NCALD: variants seen among roughly 807,000 people sequenced by gnomAD.
NCALD encodes the protein neurocalcin delta, also known as neurocalcin-delta.
In NCALD, 10 loss-of-function variants were observed where a neutral mutation model predicts 18.6. That is an observed-to-expected ratio of 0.54 (90% CI 0.33 to 0.91). The LOEUF (loss-of-function observed/expected upper bound fraction) is 0.91, where lower values mean the gene tolerates loss of function less well. NCALD is among the 40% of genes least tolerant of loss of function. The probability of loss-of-function intolerance (pLI) is 0.03; values close to 1 mark genes in which losing one functional copy is unlikely to be tolerated. For missense variants in NCALD, 184 were observed against 247.6 expected (o/e 0.74, Z 1.72); for synonymous variants, 88 against 87.4 (o/e 1.01, Z -0.04).
chr8:101,903,907 A>G (rs1480016822), intron 3 of NCALD, among the ~76,000 whole-genome samples: 1 of 152,172 alleles, frequency 6.6e-6, no homozygotes, highest in Non-Finnish European at 1.5e-5. Context: ...TGGGTGTGAC[A>G]TGGCAAAGCC....
chr8:101,743,455 C>T (rs1434017142), intron 1 of NCALD, among the ~76,000 whole-genome samples: 1 of 152,196 alleles, frequency 6.6e-6, no homozygotes, highest in Admixed American at 6.5e-5. Context: ...GAGTTCTCTT[C>T]ACTATGAGAT....
At chr8:101,863,690 GA>G (rs1440534536) in intron 4 of NCALD, among the ~76,000 whole-genome samples, 1 of 152,120 alleles carries the variant, frequency 6.6e-6, no homozygotes, top group Non-Finnish European at 1.5e-5. Flanking sequence ...TAAATGCTTT[GA>G]AAAACACAAA....
chr8:102,100,437 A>C (rs1253457001), intron 1 of NCALD, among the ~76,000 whole-genome samples: 1 of 152,208 alleles, frequency 6.6e-6, no homozygotes, highest in African/African-American at 2.4e-5. Flanking sequence ...AATGTTTTTC[A>C]ATGCTTCCTC....
intron 2 of NCALD, among the ~76,000 whole-genome samples, chr8:101,707,744 T>C (rs1815596384): frequency 6.6e-6 from 1 of 152,184 alleles, no homozygotes; most frequent in Non-Finnish European, 1.5e-5. Flanking sequence ...AGCAGGTGCC[T>C]GCAATCCCAG....
At chr8:101,814,878 T>G (rs1295124793) in intron 4 of NCALD, among the ~76,000 whole-genome samples, 1 of 152,062 alleles carries the variant, frequency 6.6e-6, no homozygotes, top group East Asian at 1.9e-4. Flanking sequence ...TAGGTATTTC[T>G]AACAAATATG....
chr8:101,959,833 G>T (rs1036593005), intron 2 of NCALD, among the ~76,000 whole-genome samples: 1 of 152,106 alleles, frequency 6.6e-6, no homozygotes, highest in African/African-American at 2.4e-5. Context: ...TGCTCATAGC[G>T]ATGGCTCACT....
At chr8:101,896,546 A>G (rs1019189057) in intron 3 of NCALD, among the ~76,000 whole-genome samples, 22 of 151,954 alleles carry the variant, frequency 1.4e-4, no homozygotes, top group Non-Finnish European at 2.6e-4. Flanking sequence ...GCTTCTGCAC[A>G]GCAAAAGAAA....
At chr8:101,772,814 C>T (rs1203180860) in intron 1 of NCALD, among the ~76,000 whole-genome samples, 3 of 152,226 alleles carry the variant, frequency 2.0e-5, no homozygotes, top group African/African-American at 7.2e-5. Flanking sequence ...TTTGGTTCAC[C>T]ATCTTAAATC....
intron 4 of NCALD, among the ~76,000 whole-genome samples, chr8:101,870,255 T>C (rs1815949160): frequency 6.6e-6 from 1 of 152,192 alleles, no homozygotes; most frequent in African/African-American, 2.4e-5. Context: ...CTTTTTTCCT[T>C]ACTAAAGAGC....
chr8:102,098,964 A>C (rs941330646), intron 1 of NCALD, among the ~76,000 whole-genome samples: 1 of 152,142 alleles, frequency 6.6e-6, no homozygotes, highest in African/African-American at 2.4e-5. Context: ...TAAGCTTGTT[A>C]ATTGTGAGGG....
chr8:101,813,065 G>T (rs1385798997), intron 4 of NCALD, among the ~76,000 whole-genome samples: 1 of 152,068 alleles, frequency 6.6e-6, no homozygotes, highest in Non-Finnish European at 1.5e-5. Flanking sequence ...GTGCTAGGCT[G>T]GGGGAGATAG....
At chr8:101,934,514 A>C (rs1361992985) in intron 2 of NCALD, among the ~76,000 whole-genome samples, 1 of 152,150 alleles carries the variant, frequency 6.6e-6, no homozygotes, top group African/African-American at 2.4e-5. Context: ...CCCATAAATT[A>C]GTCCAGAAAG....
chr8:101,727,912 T>C (rs1028253705), intron 1 of NCALD, among the ~76,000 whole-genome samples: 1 of 152,242 alleles, frequency 6.6e-6, no homozygotes, highest in Non-Finnish European at 1.5e-5. Context: ...CACCCTTTTC[T>C]ATTAGACACT....
intron 1 of NCALD, among the ~76,000 whole-genome samples, chr8:102,080,155 T>C (rs1024341744): frequency 2.0e-5 from 3 of 152,236 alleles, no homozygotes; most frequent in Admixed American, 6.5e-5. Flanking sequence ...AATGACTTCA[T>C]ATGAAAGGTT....
intron 4 of NCALD, among the ~76,000 whole-genome samples, chr8:101,807,491 CA>C (rs1231332794): frequency 6.6e-6 from 1 of 152,012 alleles, no homozygotes; most frequent in African/African-American, 2.4e-5. Context: ...AAACATAGAC[CA>C]GAAAAATTAA....
intron 1 of NCALD, among the ~76,000 whole-genome samples, chr8:102,062,264 C>T (rs1823872892): frequency 6.6e-6 from 1 of 152,228 alleles, no homozygotes; most frequent in Non-Finnish European, 1.5e-5. Flanking sequence ...GATCGCACCA[C>T]TGCGCTCCAG....
rs61823933 is a variant in NCALD at position 101,891,666 on chromosome 8, C to T, written c.-106-4439G>A. 4.1e-4 allele frequency among the ~76,000 whole-genome samples: 62 copies of T among 152,334 alleles called. No homozygotes were observed. The East Asian group carries it at 9.1e-3, about 22-fold the overall frequency. ...GGCCAGTGGGTGCGTGCACCGAGTG[C>T]GAGCCGAAGCAGGGCGAGGCATTGC... is the stretch of plus-strand genomic sequence containing the variant. On this transcript the variant is annotated intron_variant, in intron 3 of 6. Transcript: ENST00000311028.
intron 2 of NCALD, among the ~76,000 whole-genome samples, chr8:102,017,753 A>C (rs1323978597): frequency 6.6e-6 from 1 of 152,204 alleles, no homozygotes; most frequent in African/African-American, 2.4e-5. Context: ...GATAAACTGA[A>C]ATTCACCAAA....
intron 3 of NCALD, among the ~76,000 whole-genome samples, chr8:101,912,557 T>C (rs1417463344): frequency 1.3e-5 from 2 of 152,210 alleles, no homozygotes; most frequent in Non-Finnish European, 2.9e-5. Context: ...ACAACTTTGT[T>C]GGGGGCAAGA....
Sources: allele counts gnomAD v4.1 joint callset (sites outside exome capture counted in the v4.1 genomes callset), GRCh38; gene constraint gnomAD v4.1.1; transcripts MANE v1.5; gene names NCBI Gene and HGNC (gene_info 2026-07-23, HGNC 2026-07-21).